Variants in NMT1 observed in about 807,000 individuals in gnomAD.
NMT1 encodes N-myristoyltransferase 1.
Under a neutral mutation model 63.4 loss-of-function variants are expected in NMT1, and 12 were observed. The observed-to-expected ratio is 0.19, with a 90% CI of 0.12 to 0.31. The LOEUF is 0.31. Ranked by LOEUF, NMT1 falls within the 10% of genes least tolerant of loss-of-function variation. NMT1 has a pLI of 1.00. For synonymous variants in NMT1, 228 were observed against 234.3 expected (o/e 0.97, Z 0.25); for missense variants, 432 against 634.6 (o/e 0.68, Z 3.43).
chr17:45,102,432 GTC>G (rs2054172950), intron 8 of NMT1, among the ~76,000 whole-genome samples: 1 of 152,210 alleles, frequency 6.6e-6, no homozygotes, highest in Admixed American at 6.5e-5. Context: ...CCACAGCCGT[GTC>G]TCTCTGGGAA....
Position 45,086,605 on chromosome 17 carries a change from G to A in NMT1, c.338G>A (p.Ser113Asn). Residue 113 changes from serine (S) to asparagine (N), a missense_variant, in exon 3 of 12, where the codon AGC becomes AAC. Ser to Asn is a conservative substitution (Grantham distance 46). Transcript: ENST00000258960. Reference protein sequence around the residue: ...QGPAKTMEEASKRSYQFWDTQ... With the variant: ...QGPAKTMEEANKRSYQFWDTQ... ...CCTGCCAAAACCATGGAGGAGGCTA[G>A]CAAGCGAAGCTACCAGTTCTGGGAT... 1 of 1,613,634 alleles carries A rather than the reference G, an allele frequency of 6.2e-7. No homozygotes were observed. Among genetic ancestry groups the A allele is most frequent in the South Asian group, 1.1e-5 (1 of 91,020 alleles).
chr17:45,071,564 A>G (rs1356539031), intron 1 of NMT1: 1 of 152,222 alleles, frequency 6.6e-6, no homozygotes, highest in Non-Finnish European at 1.5e-5. Flanking sequence ...GTAAAAAGCA[A>G]GTGGCCATGA....
chr17:45,072,333 C>T (rs1266122358), intron 1 of NMT1, among the ~76,000 whole-genome samples: 8 of 151,476 alleles, frequency 5.3e-5, no homozygotes, highest in African/African-American at 1.7e-4. Flanking sequence ...GATCTCAGCT[C>T]ACTGCAACCT....
intron 1 of NMT1, among the ~76,000 whole-genome samples, chr17:45,081,338 T>C (rs2054016018): frequency 6.6e-6 from 1 of 152,212 alleles, no homozygotes; most frequent in Admixed American, 6.5e-5. Context: ...TTATCATTCG[T>C]CTTTGGTGCC....
Position 45,093,817 on chromosome 17 carries a change from CAGA to C in NMT1, c.504+17_504+19del. 1 of 1,602,272 alleles carries C rather than the reference CAGA, an allele frequency of 6.2e-7. No homozygotes were observed. Among genetic ancestry groups the C allele is most frequent in the Non-Finnish European group, 8.6e-7 (1 of 1,169,322 alleles). On this transcript the variant is annotated intron_variant, in intron 4 of 11. Coordinates refer to ENST00000258960, the MANE Select transcript of NMT1 (RefSeq NM_021079.5). ...GATCGTGGTGTGGTGAGTGGGCCCTCAGAAGGTTACACCTGCGGGTAGGAGCCA... is the reference window on the plus strand; with the variant it reads ...GATCGTGGTGTGGTGAGTGGGCCCTCAGGTTACACCTGCGGGTAGGAGCCA...
At chr17:45,091,239 TC>T (rs1217078592) in intron 3 of NMT1, among the ~76,000 whole-genome samples, 1 of 61,120 alleles carries the variant, frequency 1.6e-5, no homozygotes, top group East Asian at 5.2e-4. Context: ...CACACACACG[TC>T]CCATAGCACC....
intron 1 of NMT1, among the ~76,000 whole-genome samples, chr17:45,066,188 G>A (rs2053901664): frequency 6.6e-6 from 1 of 151,966 alleles, no homozygotes; most frequent in Non-Finnish European, 1.5e-5. Flanking sequence ...TGAGTAGCTG[G>A]GACTACAGGA....
chr17:45,102,805 G>A (rs1415132942), intron 8 of NMT1, 146 bp from the exon 9 acceptor site: 3 of 607,580 alleles, frequency 4.9e-6, no homozygotes, highest in Non-Finnish European at 8.4e-6. Flanking sequence ...GAAGAGGCAG[G>A]CCCTGTGCCT....
At chr17:45,095,876 A>G (rs1173513916) in intron 4 of NMT1, among the ~76,000 whole-genome samples, 2 of 152,200 alleles carry the variant, frequency 1.3e-5, no homozygotes, top group African/African-American at 2.4e-5. Flanking sequence ...TAGCTTCGAG[A>G]GTCGTCCCTC....
At chr17:45,061,617 C>A in intron 1 of NMT1, 157 bp downstream of exon 1, 1 of 633,214 alleles carries the variant, frequency 1.6e-6, no homozygotes, top group Non-Finnish European at 2.7e-6. Context: ...TTGCCTTTGT[C>A]ATTTACCAAG....
At chr17:45,072,566 AT>A (rs1250714226) in intron 1 of NMT1, among the ~76,000 whole-genome samples, 49 of 140,566 alleles carry the variant, frequency 3.5e-4, no homozygotes, top group East Asian at 4.2e-4. Flanking sequence ...CACCTGGCCT[AT>A]TTTTTTTTTT....
At chr17:45,098,340 C>G in intron 6 of NMT1, 42 bp from the exon 7 acceptor site, 1 of 1,590,760 alleles carries the variant, frequency 6.3e-7, no homozygotes. Flanking sequence ...CCATTCCCTT[C>G]CCTGTTAAAA....
At chr17:45,091,193 C>G (rs1001076964) in intron 3 of NMT1, among the ~76,000 whole-genome samples, 1 of 120,144 alleles carries the variant, frequency 8.3e-6, no homozygotes, top group Non-Finnish European at 1.8e-5. Flanking sequence ...TCCTGACACA[C>G]ACACACACAC....
Position 45,104,180 on chromosome 17 carries a change from C to T in NMT1, c.1332+304C>T. The T allele has an allele frequency of 7.8e-7, 1 of 1,288,570 alleles. No individual in the cohort carries two copies. Among genetic ancestry groups the T allele is most frequent in the Non-Finnish European group, 9.9e-7 (1 of 1,005,882 alleles). The allele number at this position is 1,288,570 out of a possible 1,614,324, so 79.8% of individuals were successfully genotyped here. A position where few individuals can be genotyped will look rare whatever the true frequency, so the allele number is the denominator to read the frequency against. ...TCCCTGGGAGGACAGGGCTTCTCCTCACAGCTTTCCCAGCGTGGGAAAGGG... is the reference window on the plus strand; with the variant it reads ...TCCCTGGGAGGACAGGGCTTCTCCTTACAGCTTTCCCAGCGTGGGAAAGGG... On this transcript the variant is annotated intron_variant, in intron 10 of 11. Transcript: ENST00000258960. The surrounding 1 kb of genome is among the most constrained non-coding windows in gnomAD (Gnocchi z 4.2).
chr17:45,102,587 T>C (rs1327251613), intron 8 of NMT1, among the ~76,000 whole-genome samples: 1 of 152,170 alleles, frequency 6.6e-6, no homozygotes, highest in African/African-American at 2.4e-5. Context: ...GTGAGGACTG[T>C]TGGGCTGCGT....
chr17:45,083,627 T>C (rs577853282), intron 2 of NMT1: 181 of 152,316 alleles, frequency 1.2e-3, no homozygotes, highest in African/African-American at 4.1e-3. Context: ...TTTTTATTCA[T>C]TTAATTTATT....
intron 2 of NMT1, among the ~76,000 whole-genome samples, chr17:45,085,126 G>A (rs936698486): frequency 6.6e-6 from 1 of 151,966 alleles, no homozygotes; most frequent in African/African-American, 2.4e-5. Flanking sequence ...GGTGGCACAC[G>A]CCTATAGTTC....
Position 45,064,545 on chromosome 17 carries a change from A to C in NMT1, c.131+3085A>C, listed in dbSNP as rs560162285. 2.6e-5 allele frequency among the ~76,000 whole-genome samples: 4 copies of C among 152,330 alleles called. No individual in the cohort carries two copies. In the East Asian group the frequency reaches 7.7e-4, roughly 29 times the overall value. On this transcript the variant is annotated intron_variant, in intron 1 of 11. Transcript: ENST00000258960. ...AATAATTTAAATCTGGTCTGAGGCC[A>C]GGCGCGGTGGCGCACATCTGTAATC...
chr17:45,099,013 A>C (rs1054503523), intron 7 of NMT1, among the ~76,000 whole-genome samples: 6 of 152,230 alleles, frequency 3.9e-5, no homozygotes, highest in Non-Finnish European at 8.8e-5. Flanking sequence ...CTCTCCTTAG[A>C]GAACTTTAAA....
Sources: gnomAD v4.1 joint callset for allele counts (sites outside exome capture counted in the v4.1 genomes callset) on GRCh38, gnomAD v4.1.1 for gene constraint, Gnocchi (gnomAD v3.1) non-coding constraint, MANE v1.5 for transcripts, NCBI Gene and HGNC (gene_info 2026-07-23, HGNC 2026-07-21) for gene names.